Variants in MECOM observed in about 807,000 individuals in gnomAD.
MECOM encodes the protein histone-lysine N-methyltransferase MECOM.
A neutral mutation model predicts 116.3 loss-of-function variants in MECOM; 13 were observed. The ratio of observed to expected loss-of-function variants is 0.11; its 90% CI spans 0.07 to 0.18. The LOEUF (loss-of-function observed/expected upper bound fraction) is 0.18. MECOM is among the 10% of genes least tolerant of loss of function. The pLI is 1.00. For missense variants in MECOM, 1,299 were observed against 1,509.0 expected (o/e 0.86, Z 2.31); for synonymous variants, 528 against 535.2 (o/e 0.99, Z 0.19).
intron 1 of MECOM, among the ~76,000 whole-genome samples, chr3:169,395,613 T>G (rs1342633395): frequency 1.3e-5 from 2 of 152,142 alleles, no homozygotes; most frequent in African/African-American, 4.8e-5. Flanking sequence ...TCAAACAAAT[T>G]TGTTTTTCTT....
intron 1 of MECOM, among the ~76,000 whole-genome samples, chr3:169,457,608 C>T (rs1746747391): frequency 6.6e-6 from 1 of 152,042 alleles, no homozygotes; most frequent in Non-Finnish European, 1.5e-5. Flanking sequence ...CTTTTAGGCT[C>T]CATAACTGTA....
chr3:169,508,823 G>A (rs7631580), intron 1 of MECOM, among the ~76,000 whole-genome samples: 32,333 of 151,922 alleles, frequency 0.21, 4,212 homozygotes, highest in Non-Finnish European at 0.29. Flanking sequence ...ATTTCTCACT[G>A]ACAAGAGGTT....
At chr3:169,521,219 G>A (rs1757316098) in intron 1 of MECOM, among the ~76,000 whole-genome samples, 1 of 152,092 alleles carries the variant, frequency 6.6e-6, no homozygotes, top group African/African-American at 2.4e-5. Context: ...AAAAACAGCA[G>A]GACTATCTCT....
At chr3:169,298,251 G>A (rs560132407) in intron 2 of MECOM, among the ~76,000 whole-genome samples, 2 of 151,942 alleles carry the variant, frequency 1.3e-5, no homozygotes, top group South Asian at 2.1e-4. Context: ...AATGGAAATC[G>A]ATATAAAAAT....
intron 1 of MECOM, among the ~76,000 whole-genome samples, chr3:169,573,584 T>C (rs985091818): frequency 6.6e-6 from 1 of 152,242 alleles, no homozygotes; most frequent in Admixed American, 6.5e-5. Flanking sequence ...AGTCCCAATA[T>C]AGACCTTAGC....
intron 1 of MECOM, among the ~76,000 whole-genome samples, chr3:169,486,908 C>A (rs532437964): frequency 3.3e-5 from 5 of 152,090 alleles, no homozygotes; most frequent in East Asian, 1.9e-4. Flanking sequence ...TTAGACATAA[C>A]CTGGTTGACC....
chr3:169,459,190 G>A (rs749926391), intron 1 of MECOM, among the ~76,000 whole-genome samples: 2 of 152,184 alleles, frequency 1.3e-5, no homozygotes, highest in Non-Finnish European at 2.9e-5. Context: ...TGATGTTATA[G>A]TTGGATCCTA....
chr3:169,154,351 T>C (rs1741626515), intron 2 of MECOM, among the ~76,000 whole-genome samples: 1 of 152,206 alleles, frequency 6.6e-6, no homozygotes, highest in South Asian at 2.1e-4. Flanking sequence ...GAATTGGGTC[T>C]ATCTTTTTTG....
chr3:169,532,286 G>A (rs867621700), intron 1 of MECOM, among the ~76,000 whole-genome samples: 18 of 152,292 alleles, frequency 1.2e-4, no homozygotes, highest in Admixed American at 6.5e-5. Flanking sequence ...TGATGCTGCT[G>A]GCCCAGGGAT....
intron 2 of MECOM, among the ~76,000 whole-genome samples, chr3:169,218,882 G>A (rs943810732): frequency 9.9e-5 from 15 of 152,134 alleles, no homozygotes; most frequent in South Asian, 4.2e-4. Flanking sequence ...GGATTTGGGC[G>A]TGCAAATGTG....
chr3:169,127,575 T>A (rs921104095), intron 5 of MECOM, among the ~76,000 whole-genome samples: 7 of 152,178 alleles, frequency 4.6e-5, no homozygotes, highest in African/African-American at 1.7e-4. Flanking sequence ...CACAATTTAC[T>A]ATAAAGTTAA....
At position 169,115,748 on chromosome 3, in the gene MECOM, G is replaced by A. The variant is rs1226604001; in HGVS notation, c.2124C>T (p.Tyr708=). Residue 708 remains tyrosine, a synonymous_variant, in exon 8 of 17, where the codon TAC becomes TAT. Coordinates refer to ENST00000651503, the MANE Select transcript of MECOM (RefSeq NM_004991.4). ...PFFPAFSQSM[Y]PFPDRDLRSL... ...ATCTCAAGTCTCTATCAGGAAATGG[G>A]TACATTGATTGAGAGAATGCTGGAA... 2.5e-5 allele frequency: 40 copies of A among 1,614,144 alleles called. No individual in the cohort carries two copies. Among genetic ancestry groups the A allele is most frequent in the Non-Finnish European group, 3.2e-5 (38 of 1,180,020 alleles).
chr3:169,382,354 G>A (rs1304775914), intron 1 of MECOM, among the ~76,000 whole-genome samples: 1 of 152,078 alleles, frequency 6.6e-6, no homozygotes, highest in Non-Finnish European at 1.5e-5. Context: ...GAGGTGGCAA[G>A]ACCTTTGAAC....
chr3:169,389,676 T>C (rs756894462), intron 1 of MECOM: 2 of 701,526 alleles, frequency 2.9e-6, no homozygotes, highest in Admixed American at 1.3e-4. Flanking sequence ...ACTGGGTGGT[T>C]ACTCCTCAGG....
intron 1 of MECOM, chr3:169,615,045 G>A (rs7632977): frequency 6.6e-6 from 1 of 152,098 alleles, no homozygotes; most frequent in Non-Finnish European, 1.5e-5. Flanking sequence ...TCTCTAAAGC[G>A]TCTAGAAAGT....
At chr3:169,106,013 C>T (rs947517287) in intron 10 of MECOM, among the ~76,000 whole-genome samples, 1 of 152,092 alleles carries the variant, frequency 6.6e-6, no homozygotes, top group African/African-American at 2.4e-5. Context: ...ATTAAAGTGA[C>T]AACCTGATTA....
chr3:169,325,463 T>G lies in MECOM; in HGVS notation c.375+55724A>C, dbSNP rs1183304961. ...GTTGTCCCCTTCATAAAGGGTAAAT[T>G]TAGCTTAGGATAAATGTGTCTGAAG... On this transcript the variant is annotated intron_variant, in intron 2 of 16. Coordinates refer to ENST00000651503, the MANE Select transcript of MECOM (RefSeq NM_004991.4). 9.2e-5 allele frequency among the ~76,000 whole-genome samples: 14 copies of G among 152,256 alleles called. No homozygotes were observed. The South Asian group carries it at 2.3e-3, about 25-fold the overall frequency.
intron 2 of MECOM, among the ~76,000 whole-genome samples, chr3:169,327,505 G>A (rs774305085): frequency 6.6e-6 from 1 of 151,810 alleles, no homozygotes; most frequent in Non-Finnish European, 1.5e-5. Flanking sequence ...GGGTATGGTG[G>A]CACATGCCTG....
At chr3:169,334,870 C>A (rs1723339625) in intron 2 of MECOM, among the ~76,000 whole-genome samples, 1 of 152,086 alleles carries the variant, frequency 6.6e-6, no homozygotes, top group Admixed American at 6.6e-5. Context: ...CAGGTGAAAC[C>A]ATCATGGGGT....
Sources: gnomAD v4.1 joint callset for allele counts (sites outside exome capture counted in the v4.1 genomes callset) on GRCh38, gnomAD v4.1.1 for gene constraint, MANE v1.5 for transcripts, NCBI Gene and HGNC (gene_info 2026-07-23, HGNC 2026-07-21) for gene names.